RELN: variants seen among roughly 807,000 people sequenced by gnomAD.
The protein encoded by RELN is reelin.
A neutral mutation model predicts 427.6 loss-of-function variants in RELN; 108 were observed. That is an observed-to-expected ratio of 0.25 (90% CI 0.22 to 0.30). The LOEUF is 0.30. Among genes scored for constraint, RELN ranks in the 10% least tolerant of loss-of-function variants. RELN has a pLI of 1.00. For missense variants in RELN, 3,715 were observed against 4,302.8 expected, an observed-to-expected ratio of 0.86 and a Z score of 3.82; for synonymous variants, 1,524 against 1,513.4, an observed-to-expected ratio of 1.01 and a Z score of -0.16.
intron 29 of RELN, among the ~76,000 whole-genome samples, chr7:103,574,824 A>T (rs1224741057): frequency 1.3e-5 from 2 of 152,188 alleles, no homozygotes; most frequent in Non-Finnish European, 2.9e-5. Flanking sequence ...AAAATAATAA[A>T]AAAAAAGATT....
At chr7:103,665,358 G>GTA (rs1168123258) in intron 11 of RELN, among the ~76,000 whole-genome samples, 33 of 131,330 alleles carry the variant, frequency 2.5e-4, no homozygotes, top group African/African-American at 8.1e-4. Context: ...GTGTGTGTGT[G>GTA]TGTGTATATA....
At position 103,809,379 on chromosome 7, in the gene RELN, C is replaced by T. The variant is rs115021569; in HGVS notation, c.473+24158G>A. Among the ~76,000 whole-genome samples the T allele has an allele frequency of 3.7e-3, 566 of 152,216 alleles. 6 individuals carry two copies. Among genetic ancestry groups the T allele is most frequent in the African/African-American group, 0.013 (540 of 41,542 alleles). On this transcript the variant is annotated intron_variant, in intron 3 of 64. Transcript: ENST00000428762. ...AGAGAAAGATGTAAAACAAAGGAAACTGGAGGTCCAAAGCAGCGGGAGAGA... is the reference window on the plus strand; with the variant it reads ...AGAGAAAGATGTAAAACAAAGGAAATTGGAGGTCCAAAGCAGCGGGAGAGA...
At chr7:103,776,466 A>G in intron 4 of RELN, 91 bp downstream of exon 4, 1 of 1,291,100 alleles carries the variant, frequency 7.7e-7, no homozygotes, top group Non-Finnish European at 1.1e-6. Context: ...CGATTAAGTA[A>G]TCATAATGAA....
chr7:103,714,632 A>C (rs1445356775), intron 8 of RELN, among the ~76,000 whole-genome samples: 1 of 152,202 alleles, frequency 6.6e-6, no homozygotes, highest in Admixed American at 6.5e-5. Flanking sequence ...CTGCACATAG[A>C]GGCAGCTCAT....
At chr7:103,878,988 C>T (rs1794546892) in intron 2 of RELN, among the ~76,000 whole-genome samples, 1 of 152,180 alleles carries the variant, frequency 6.6e-6, no homozygotes, top group South Asian at 2.1e-4. Flanking sequence ...GAACCTCAGG[C>T]TGAGACCCTA....
At chr7:103,480,520 A>C (rs1282937734) in intron 63 of RELN, among the ~76,000 whole-genome samples, 1 of 152,188 alleles carries the variant, frequency 6.6e-6, no homozygotes, top group Admixed American at 6.5e-5. Flanking sequence ...TAGAAATGTT[A>C]CACTCTAAGA....
chr7:103,489,815 A>T lies in RELN; in HGVS notation c.9690T>A (p.Ala3230=), dbSNP rs727504124. ...WAIDHVYIGE[A]CPKLCSGHGY... Reference sequence around the variant, plus strand: ...CGTGCCCGCTGCAGAGCTTGGGGCAAGCCTCTCCAATGTACACGTGGTCAA... The same window carrying T: ...CGTGCCCGCTGCAGAGCTTGGGGCATGCCTCTCCAATGTACACGTGGTCAA... The change falls in exon 60 of 65, where the codon GCT becomes GCA. Residue 3230 remains alanine, a synonymous_variant. Transcript: ENST00000428762. 1 of 1,614,058 alleles carries T rather than the reference A, an allele frequency of 6.2e-7. No individual in the cohort carries two copies. Among genetic ancestry groups the T allele is most frequent in the South Asian group, 1.1e-5 (1 of 91,082 alleles).
intron 11 of RELN, among the ~76,000 whole-genome samples, chr7:103,670,107 A>C (rs994563073): frequency 1.3e-5 from 2 of 152,174 alleles, no homozygotes; most frequent in Non-Finnish European, 2.9e-5. Flanking sequence ...GAGGTGTCTT[A>C]GCTGGAAAGC....
chr7:103,518,342 TTTTTTTTA>T (rs1376263065), intron 49 of RELN, among the ~76,000 whole-genome samples: 2 of 102,546 alleles, frequency 2.0e-5, no homozygotes, highest in African/African-American at 5.9e-5. Context: ...TTTTTTTTTT[TTTTTTTTA>T]AAGATGCGGT....
chr7:103,757,054 C>A (rs1309463701), intron 4 of RELN, among the ~76,000 whole-genome samples: 1 of 152,098 alleles, frequency 6.6e-6, no homozygotes, highest in African/African-American at 2.4e-5. Context: ...GAGGTAAATG[C>A]ACCACGGAAA....
intron 2 of RELN, among the ~76,000 whole-genome samples, chr7:103,912,788 A>C (rs1795398683): frequency 6.6e-6 from 1 of 152,126 alleles, no homozygotes; most frequent in African/African-American, 2.4e-5. Context: ...GAGTAAATGC[A>C]TTTCAGCCCT....
At chr7:103,718,752 T>C (rs761327036) in intron 8 of RELN, among the ~76,000 whole-genome samples, 3 of 152,206 alleles carry the variant, frequency 2.0e-5, no homozygotes, top group Non-Finnish European at 4.4e-5. Context: ...TGACTGAGGA[T>C]ACTGTGATGG....
chr7:103,741,621 G>A (rs1280982626), intron 6 of RELN, among the ~76,000 whole-genome samples: 2 of 150,332 alleles, frequency 1.3e-5, no homozygotes, highest in Admixed American at 1.3e-4. Context: ...AAAGAGAAGA[G>A]GGAGGAGAGG....
intron 8 of RELN, among the ~76,000 whole-genome samples, chr7:103,719,020 T>C (rs1294874975): frequency 2.0e-5 from 3 of 152,210 alleles, no homozygotes; most frequent in African/African-American, 7.2e-5. Context: ...ATTTCTCTAT[T>C]GCTCAAGAGA....
intron 43 of RELN, among the ~76,000 whole-genome samples, chr7:103,541,795 G>A (rs1288434964): frequency 2.6e-5 from 4 of 151,954 alleles, no homozygotes; most frequent in Admixed American, 2.6e-4. Context: ...TCTGAAATAA[G>A]GAACATCAAA....
At position 103,988,397 on chromosome 7, in the gene RELN, T is replaced by C. The variant is rs73405690; in HGVS notation, c.226+734A>G. On this transcript the variant is annotated intron_variant, in intron 1 of 64. Coordinates refer to ENST00000428762, the MANE Select transcript of RELN (RefSeq NM_005045.4). The surrounding 1 kb of genome is among the most constrained non-coding windows in gnomAD (Gnocchi z 4.9). ...CTAAATTATAAGGGATTCCAGCCTC[T>C]ACCTGGAAATTAAAGCTGTGCAGAT... Among the ~76,000 whole-genome samples, 11,103 of 152,284 alleles carry C rather than the reference T, an allele frequency of 0.073. 523 individuals are homozygous for C. The highest frequency in any genetic ancestry group is 0.15 in the South Asian group (728 of 4,828).
At chr7:103,949,725 C>A (rs1796297921) in intron 1 of RELN, among the ~76,000 whole-genome samples, 1 of 152,138 alleles carries the variant, frequency 6.6e-6, no homozygotes, top group South Asian at 2.1e-4. Context: ...TATATTACAA[C>A]CCTTCCTTTC....
chr7:103,845,658 T>G (rs984500663), intron 2 of RELN, among the ~76,000 whole-genome samples: 2 of 152,170 alleles, frequency 1.3e-5, no homozygotes, highest in African/African-American at 4.8e-5. Context: ...TTTAATGATG[T>G]AATATCATTA....
At chr7:103,540,071 G>A (rs898912026) in intron 44 of RELN, 126 bp downstream of exon 44, 4 of 1,037,494 alleles carry the variant, frequency 3.9e-6, no homozygotes, top group African/African-American at 1.6e-5. Flanking sequence ...CGTGCCCTTG[G>A]GCAAGTCACT....
Sources: gnomAD v4.1 joint callset for allele counts (sites outside exome capture counted in the v4.1 genomes callset) on GRCh38, gnomAD v4.1.1 for gene constraint, Gnocchi (gnomAD v3.1) non-coding constraint, MANE v1.5 for transcripts, NCBI Gene and HGNC (gene_info 2026-07-23, HGNC 2026-07-21) for gene names.